Variants in MGST1 observed in about 807,000 individuals in gnomAD.
The protein encoded by MGST1 is glutathione S-transferase 12.
Under a neutral mutation model 8.9 loss-of-function variants are expected in MGST1, and 5 were observed. That is an observed-to-expected ratio of 0.56 (90% confidence interval 0.29 to 1.19). The LOEUF is 1.19. MGST1 is among the 50% of genes most tolerant of loss of function. The pLI is 0.08. For synonymous variants in MGST1, 54 were observed against 67.8 expected, an observed-to-expected ratio of 0.80 and a Z score of 1.00; for missense variants, 182 against 187.4, an observed-to-expected ratio of 0.97 and a Z score of 0.17.
At chr12:16,383,040 C>G (rs1036236158) in exon 1 of MGST1, 1 of 152,462 alleles carries the variant, frequency 6.6e-6, no homozygotes, top group Non-Finnish European at 1.5e-5. Flanking sequence ...CAGGTGCCGT[C>G]TCTCACCCCT....
chr12:16,357,656 A>G lies in MGST1; in HGVS notation c.178A>G (p.Lys60Glu), dbSNP rs775673743. ...AGCATTTGGCAAAGGAGAAAATGCC[A>G]AGAAGTATCTTCGAACAGATGACAG... is the stretch of plus-strand genomic sequence containing the variant. ...CVAFGKGENA[K>E]KYLRTDDRVE... is the part of the protein sequence containing the mutation. Residue 60 changes from lysine to glutamate, a missense_variant, in exon 3 of 4, where the codon AAG becomes GAG. Transcript: ENST00000396210. The G allele has an allele frequency of 3.0e-5, 49 of 1,614,050 alleles. 3 individuals carry two copies. The South Asian group carries it at 5.2e-4, about 17-fold the overall frequency.
chr12:16,515,632 GAAAAA>G (rs59154598), intron 4 of MGST1, among the ~76,000 whole-genome samples: 1 of 129,032 alleles, frequency 7.8e-6, no homozygotes, highest in Non-Finnish European at 1.6e-5. Flanking sequence ...CTCTATCTCA[GAAAAA>G]AAAAAAAAAG....
At chr12:16,358,883 T>G (rs1939860467) in intron 3 of MGST1, among the ~76,000 whole-genome samples, 1 of 147,916 alleles carries the variant, frequency 6.8e-6, no homozygotes, top group Admixed American at 6.9e-5. Flanking sequence ...ACACCTAGGT[T>G]GCATTAGCCC....
At chr12:16,423,195 CT>C (rs1940853199) in intron 1 of MGST1, among the ~76,000 whole-genome samples, 1 of 152,198 alleles carries the variant, frequency 6.6e-6, no homozygotes, top group Non-Finnish European at 1.5e-5. Context: ...TTGAAAACCA[CT>C]ATTTCATATA....
Position 16,584,731 on chromosome 12 carries a change from T to C in MGST1, n.483-4797T>C, listed in dbSNP as rs979746779. On this transcript the variant is annotated intron_variant and non_coding_transcript_variant, in intron 4 of 4. Coordinates refer to the MGST1 transcript ENST00000538857. This position sits in a 1 kb window ranked among gnomAD's most constrained non-coding sequence, Gnocchi z 5.2. ...TCAAGAAACAGCAAGAGATTTCTTT[T>C]ATCAGGACGGGCTGCTTCTCGCCTC... Among the ~76,000 whole-genome samples, 7 of 152,164 alleles carry C rather than the reference T, an allele frequency of 4.6e-5. No individual in the cohort carries two copies. Among genetic ancestry groups the C allele is most frequent in the Admixed American group, 1.3e-4 (2 of 15,274 alleles).
rs1040333151 is a variant in MGST1 at position 16,532,214 on chromosome 12, C to T, written n.483-57314C>T. On this transcript the variant is annotated intron_variant and non_coding_transcript_variant, in intron 4 of 4. Transcript: ENST00000538857. ...TTAAAGTTGTTTTTCTTCAAGAAGC[C>T]TCTTGCGGGGGGAGAAAACCTCTCT... is the stretch of plus-strand genomic sequence containing the variant. Among the ~76,000 whole-genome samples, 7 of 152,168 alleles carry T rather than the reference C, an allele frequency of 4.6e-5. No individual in the cohort carries two copies. The South Asian group carries it at 1.5e-3, about 32-fold the overall frequency.
At chr12:16,459,019 T>C (rs556842194) in intron 4 of MGST1, among the ~76,000 whole-genome samples, 106 of 152,186 alleles carry the variant, frequency 7.0e-4, no homozygotes, top group African/African-American at 2.4e-3. Context: ...CTACCTATTA[T>C]CATCAAATTA....
chr12:16,394,570 CT>C (rs1565446462), intron 1 of MGST1, among the ~76,000 whole-genome samples: 4,714 of 67,578 alleles, frequency 0.07, 204 homozygotes, highest in South Asian at 0.13. Flanking sequence ...TTCTTTCTTT[CT>C]TTCTTCTCTC....
At chr12:16,353,347 T>C (rs1307977388) in intron 1 of MGST1, 1 of 152,128 alleles carries the variant, frequency 6.6e-6, no homozygotes, top group Non-Finnish European at 1.5e-5. Context: ...GTTTCGATTT[T>C]AAGAATGAAG....
intron 4 of MGST1, among the ~76,000 whole-genome samples, chr12:16,534,993 T>C (rs1460240495): frequency 6.6e-6 from 1 of 152,186 alleles, no homozygotes; most frequent in Non-Finnish European, 1.5e-5. Flanking sequence ...TTTGTTGTCC[T>C]TACTTTGAAA....
At chr12:16,532,388 T>G (rs1941728541) in intron 4 of MGST1, among the ~76,000 whole-genome samples, 1 of 152,106 alleles carries the variant, frequency 6.6e-6, no homozygotes, top group South Asian at 2.1e-4. Flanking sequence ...TGCTGGGAGT[T>G]AAAAAAATTA....
At chr12:16,380,954 T>A (rs1032881841), downstream of MGST1, among the ~76,000 whole-genome samples, 1 of 152,224 alleles carries the variant, frequency 6.6e-6, no homozygotes, top group Non-Finnish European at 1.5e-5. Context: ...TATCTGAGAC[T>A]AGGATTGCAA....
intron 4 of MGST1, among the ~76,000 whole-genome samples, chr12:16,522,059 A>G (rs929038234): frequency 8.5e-5 from 13 of 152,260 alleles, no homozygotes; most frequent in African/African-American, 3.1e-4. Context: ...TTAATTTTGC[A>G]GTCCCAACAT....
intron 4 of MGST1, among the ~76,000 whole-genome samples, chr12:16,453,360 T>C (rs1941145513): frequency 6.6e-6 from 1 of 151,958 alleles, no homozygotes; most frequent in Admixed American, 6.6e-5. Context: ...AGTAATTGGA[T>C]TCCATGTTTG....
downstream of MGST1, among the ~76,000 whole-genome samples, chr12:16,368,529 C>A (rs1423451833): frequency 2.6e-5 from 4 of 152,162 alleles, no homozygotes; most frequent in Non-Finnish European, 5.9e-5. Context: ...CAAAGCGGCA[C>A]CTCTACATTC....
intron 4 of MGST1, among the ~76,000 whole-genome samples, chr12:16,539,299 C>T (rs1459724936): frequency 1.3e-5 from 2 of 152,028 alleles, no homozygotes; most frequent in East Asian, 1.9e-4. Context: ...ATGTACCCTA[C>T]GATTTTAACA....
chr12:16,451,481 T>A (rs999871198), intron 4 of MGST1, among the ~76,000 whole-genome samples: 1 of 152,032 alleles, frequency 6.6e-6, no homozygotes, highest in African/African-American at 2.4e-5. Context: ...AGCTGAAATA[T>A]TAAAATAAAT....
downstream of MGST1, among the ~76,000 whole-genome samples, chr12:16,377,875 T>G (rs1940405910): frequency 6.6e-6 from 1 of 151,122 alleles, no homozygotes; most frequent in African/African-American, 2.4e-5. Context: ...GTGGTTTTGA[T>G]TTGCATTTCT....
chr12:16,469,621 C>T (rs1941280056), intron 4 of MGST1, among the ~76,000 whole-genome samples: 1 of 152,158 alleles, frequency 6.6e-6, no homozygotes, highest in Non-Finnish European at 1.5e-5. Context: ...GATGAGAGAA[C>T]CCATCTGTTA....
Sources: gnomAD v4.1 joint callset for allele counts (sites outside exome capture counted in the v4.1 genomes callset) on GRCh38, gnomAD v4.1.1 for gene constraint, Gnocchi (gnomAD v3.1) non-coding constraint, MANE v1.5 for transcripts, NCBI Gene and HGNC (gene_info 2026-07-23, HGNC 2026-07-21) for gene names.